SLC25A51: variants seen among roughly 807,000 people sequenced by gnomAD.
SLC25A51 encodes mitochondrial nicotinamide adenine dinucleotide transporter SLC25A51.
Under a neutral mutation model 19.1 loss-of-function variants are expected in SLC25A51, and 11 were observed. That is an observed-to-expected ratio of 0.58 (90% CI 0.36 to 0.96). The LOEUF (loss-of-function observed/expected upper bound fraction) is 0.96, where lower values mean the gene tolerates loss of function less well. SLC25A51 is among the 40% of genes least tolerant of loss of function. The probability of loss-of-function intolerance (pLI) is 0.01; values close to 1 mark genes in which losing one functional copy is unlikely to be tolerated. For missense variants in SLC25A51, 201 were observed against 365.4 expected, an observed-to-expected ratio of 0.55 and a Z score of 3.67; for synonymous variants, 105 against 133.6, an observed-to-expected ratio of 0.79 and a Z score of 1.47.
chr9:37,893,573 C>G (rs1475451756), intron 2 of SLC25A51, among the ~76,000 whole-genome samples: 1 of 152,162 alleles, frequency 6.6e-6, no homozygotes, highest in Non-Finnish European at 1.5e-5. Flanking sequence ...CTCTAAGGTC[C>G]AAAATATTTT....
downstream of SLC25A51, chr9:37,885,899 G>T (rs1831445462): frequency 1.2e-6 from 2 of 1,603,312 alleles, no homozygotes; most frequent in South Asian, 1.1e-5. Flanking sequence ...CCCATATATG[G>T]GCCCTGAGTA....
At chr9:37,899,104 A>G (rs760755178) in intron 2 of SLC25A51, among the ~76,000 whole-genome samples, 1 of 152,240 alleles carries the variant, frequency 6.6e-6, no homozygotes, top group Non-Finnish European at 1.5e-5. Flanking sequence ...GACTAGCTCA[A>G]TTAACTGAGC....
chr9:37,892,845 T>C (rs1445125197), intron 2 of SLC25A51, among the ~76,000 whole-genome samples: 1 of 152,006 alleles, frequency 6.6e-6, no homozygotes, highest in Non-Finnish European at 1.5e-5. Flanking sequence ...GTTCAAGCGA[T>C]TTTACTGCCT....
At chr9:37,890,951 T>C (rs369689207) in intron 2 of SLC25A51, among the ~76,000 whole-genome samples, 45 of 152,320 alleles carry the variant, frequency 3.0e-4, no homozygotes, top group Middle Eastern at 6.8e-3. Flanking sequence ...CTCCTCATAC[T>C]ACACACATGC....
At chr9:37,882,698 T>C (rs1046872776), downstream of SLC25A51, among the ~76,000 whole-genome samples, 2 of 152,202 alleles carry the variant, frequency 1.3e-5, no homozygotes, top group Admixed American at 6.5e-5. Flanking sequence ...GTGTGTTCAA[T>C]ACGGAATCCA....
downstream of SLC25A51, among the ~76,000 whole-genome samples, chr9:37,883,269 ATTT>A (rs1030296662): frequency 3.3e-5 from 5 of 152,236 alleles, no homozygotes; most frequent in African/African-American, 1.2e-4. Context: ...GTTCTGCTAA[ATTT>A]TTTGTCAAAT....
At chr9:37,894,329 C>A (rs1831663797) in intron 2 of SLC25A51, among the ~76,000 whole-genome samples, 1 of 141,962 alleles carries the variant, frequency 7.0e-6, no homozygotes, top group African/African-American at 2.6e-5. Flanking sequence ...TTTTTTTTAA[C>A]TTTTTTTTTT....
chr9:37,893,526 T>G (rs1021550877), intron 2 of SLC25A51, among the ~76,000 whole-genome samples: 2 of 152,168 alleles, frequency 1.3e-5, no homozygotes, highest in African/African-American at 4.8e-5. Flanking sequence ...AGCTCAAACC[T>G]TTCACTGTCC....
At chr9:37,879,320 C>T (rs1831308292), downstream of SLC25A51, 1 of 205,822 alleles carries the variant, frequency 4.9e-6, no homozygotes, top group Middle Eastern at 4.9e-4. Context: ...GATGTGTGGT[C>T]TTCTCTGCGA....
intron 1 of SLC25A51, 158 bp downstream of exon 1, chr9:37,903,910 G>T (rs930598541): frequency 2.6e-5 from 4 of 152,288 alleles, no homozygotes; most frequent in African/African-American, 9.6e-5. Flanking sequence ...CCTGGGTGGG[G>T]CCCGCAGGGA....
intron 2 of SLC25A51, among the ~76,000 whole-genome samples, chr9:37,895,442 C>T (rs1831696803): frequency 6.6e-6 from 1 of 151,736 alleles, no homozygotes; most frequent in East Asian, 1.9e-4. Flanking sequence ...TCAAGCGATC[C>T]TAATGCCTCA....
intron 1 of SLC25A51, among the ~76,000 whole-genome samples, chr9:37,900,584 A>G (rs1002345182): frequency 2.0e-5 from 3 of 152,046 alleles, no homozygotes; most frequent in African/African-American, 7.2e-5. Flanking sequence ...GCATGCCACC[A>G]TGCTTGGCTA....
In SLC25A51 at chr9:37,890,525, G is replaced by A. The variant is rs1831559699; in HGVS notation, c.-42-1933C>T. On this transcript the variant is annotated intron_variant, in intron 2 of 2. Transcript: ENST00000242275. Reference sequence around the variant, plus strand: ...TTGTGCCCAGCCTGGGCAACATAGTGAGACTCTGCCTCTACAAAAATCAAA... The same window carrying A: ...TTGTGCCCAGCCTGGGCAACATAGTAAGACTCTGCCTCTACAAAAATCAAA... Among the ~76,000 whole-genome samples, 5 of 152,182 alleles carry A rather than the reference G, an allele frequency of 3.3e-5. No homozygotes were observed. The South Asian group carries it at 1.0e-3, about 31-fold the overall frequency.
At chr9:37,900,209 G>T (rs1452580183) in intron 1 of SLC25A51, among the ~76,000 whole-genome samples, 1 of 151,626 alleles carries the variant, frequency 6.6e-6, no homozygotes, top group Non-Finnish European at 1.5e-5. Flanking sequence ...CACTTTGGGA[G>T]GCCAAGGCAG....
At chr9:37,885,868 T>A (rs1421899200), downstream of SLC25A51, 4 of 1,595,960 alleles carry the variant, frequency 2.5e-6, no homozygotes, top group African/African-American at 5.5e-5. Context: ...GTGTTCCTGA[T>A]GACGTGCAAA....
At chr9:37,896,945 A>T (rs990575619) in intron 2 of SLC25A51, among the ~76,000 whole-genome samples, 1 of 152,168 alleles carries the variant, frequency 6.6e-6, no homozygotes, top group Non-Finnish European at 1.5e-5. Flanking sequence ...CTATAGGGAG[A>T]TAAGTGCAAT....
chr9:37,898,194 T>C (rs1237991428), intron 2 of SLC25A51, among the ~76,000 whole-genome samples: 2 of 152,206 alleles, frequency 1.3e-5, no homozygotes, highest in Non-Finnish European at 1.5e-5. Context: ...GCAGATCACT[T>C]GAGGTCAGAA....
chr9:37,887,766 T>C lies in SLC25A51; in HGVS notation c.785A>G (p.Asp262Gly). The C allele has an allele frequency of 6.2e-7, 1 of 1,613,888 alleles. No individual in the cohort carries two copies. Among genetic ancestry groups the C allele is most frequent in the Non-Finnish European group, 8.5e-7 (1 of 1,179,848 alleles). Residue 262 changes from aspartate (D) to glycine (G), a missense_variant, in exon 3 of 3, where the codon GAC becomes GGC. By Grantham distance (94) the Asp-to-Gly change is moderately conservative. Transcript: ENST00000242275. ...TCTGAAAAGATTTATCAGTTTTCTG[T>C]CCCGTTCCAGCCAGATTTTTTGGAA... is the stretch of plus-strand genomic sequence containing the variant. The part of the protein sequence containing the change: ...KVFQKIWLER[D>G]RKLINLFRGA...
rs533999421 is a variant in SLC25A51 at position 37,900,267 on chromosome 9, G to A, written c.-164-317C>T. Reference sequence around the variant, plus strand: ...AAATCGAGACCATCCTGGCTAACACGGTGAAACCCCATCTCTACGAAAAAT... The same window carrying A: ...AAATCGAGACCATCCTGGCTAACACAGTGAAACCCCATCTCTACGAAAAAT... On this transcript the variant is annotated intron_variant, in intron 1 of 2. Coordinates refer to ENST00000242275, the MANE Select transcript of SLC25A51 (RefSeq NM_033412.4). Among the ~76,000 whole-genome samples, 11 of 151,916 alleles carry A rather than the reference G, an allele frequency of 7.2e-5. No individual in the cohort carries two copies. The East Asian group carries it at 7.8e-4, about 11-fold the overall frequency.
Sources: allele counts gnomAD v4.1 joint callset (sites outside exome capture counted in the v4.1 genomes callset), GRCh38; gene constraint gnomAD v4.1.1; transcripts MANE v1.5; gene names NCBI Gene and HGNC (gene_info 2026-07-23, HGNC 2026-07-21).